DLGAP2: variants seen among roughly 807,000 people sequenced by gnomAD.
DLGAP2 encodes the protein DLG associated protein 2.
A neutral mutation model predicts 100.3 loss-of-function variants in DLGAP2; 26 were observed. The ratio of observed to expected loss-of-function variants is 0.26; its 90% CI spans 0.19 to 0.36. The LOEUF (loss-of-function observed/expected upper bound fraction) is 0.36. Among genes scored for constraint, DLGAP2 ranks in the 10% least tolerant of loss-of-function variants. The probability of loss-of-function intolerance (pLI) is 1.00; values close to 1 mark genes in which losing one functional copy is unlikely to be tolerated. For synonymous variants in DLGAP2, 886 were observed against 630.1 expected, an observed-to-expected ratio of 1.41 and a Z score of -6.08; for missense variants, 1,858 against 1,453.2, an observed-to-expected ratio of 1.28 and a Z score of -4.53.
At chr8:1,418,208 A>T (rs1417957827) in intron 3 of DLGAP2, among the ~76,000 whole-genome samples, 2 of 152,246 alleles carry the variant, frequency 1.3e-5, no homozygotes, top group African/African-American at 4.8e-5. Flanking sequence ...AAGAATGATG[A>T]TGTAACTGTC....
At chr8:1,284,872 A>G (rs1389614708) in intron 3 of DLGAP2, among the ~76,000 whole-genome samples, 1 of 152,200 alleles carries the variant, frequency 6.6e-6, no homozygotes, top group Non-Finnish European at 1.5e-5. Context: ...GATTACAGGC[A>G]TGAGCCAGAG....
intron 1 of DLGAP2, among the ~76,000 whole-genome samples, chr8:858,136 C>T (rs777985088): frequency 4.6e-5 from 7 of 152,200 alleles, no homozygotes; most frequent in South Asian, 2.1e-4. Flanking sequence ...GGATTACAGG[C>T]GTTAGCCACC....
intron 2 of DLGAP2, among the ~76,000 whole-genome samples, chr8:1,093,525 A>C: frequency 6.6e-6 from 1 of 152,042 alleles, no homozygotes; most frequent in Non-Finnish European, 1.5e-5. Flanking sequence ...AGCCAGACCG[A>C]AACACCTTCA....
rs1797249809 is a variant in DLGAP2 at position 1,176,167 on chromosome 8, A to AG, written c.74-82680dup. On this transcript the variant is annotated intron_variant, in intron 2 of 14. Coordinates refer to ENST00000637795, the MANE Select transcript of DLGAP2 (RefSeq NM_001346810.2). ...AACTTACAATTGTGGTGGAAGATGA[A>AG]GGGGAAGCAAGGCACGTGTTACATG... 5.3e-5 allele frequency among the ~76,000 whole-genome samples: 8 copies of AG among 152,144 alleles called. No individual in the cohort carries two copies. In the South Asian group the frequency reaches 1.7e-3, roughly 32 times the overall value.
chr8:859,115 T>C (rs1797340697), intron 1 of DLGAP2, among the ~76,000 whole-genome samples: 1 of 39,352 alleles, frequency 2.5e-5, no homozygotes, highest in African/African-American at 7.0e-5. Flanking sequence ...CTTAGTCTTC[T>C]TTTTTTTTTT....
At chr8:1,040,247 TCGGTTTC>T (rs1802294338) in intron 2 of DLGAP2, among the ~76,000 whole-genome samples, 1 of 139,278 alleles carries the variant, frequency 7.2e-6, no homozygotes, top group African/African-American at 2.5e-5. Flanking sequence ...TGTGGTCAGC[TCGGTTTC>T]CATGGTCAGC....
chr8:1,242,425 G>C (rs1798817006), intron 2 of DLGAP2, among the ~76,000 whole-genome samples: 1 of 152,234 alleles, frequency 6.6e-6, no homozygotes, highest in Non-Finnish European at 1.5e-5. Flanking sequence ...CGAAGGGCTT[G>C]GCCCGTCTGT....
At chr8:798,714 T>C (rs1796086918) in intron 1 of DLGAP2, among the ~76,000 whole-genome samples, 4 of 121,772 alleles carry the variant, frequency 3.3e-5, no homozygotes, top group African/African-American at 9.9e-5. Flanking sequence ...GCCCCGGCGC[T>C]GGCCAGGTGA....
intron 2 of DLGAP2, among the ~76,000 whole-genome samples, chr8:1,219,992 ATCT>A (rs1404124243): frequency 6.6e-6 from 1 of 150,476 alleles, no homozygotes; most frequent in Non-Finnish European, 1.5e-5. Context: ...GTTTATTTGG[ATCT>A]TCTCTCTGTT....
chr8:968,913 T>C (rs1553413), intron 2 of DLGAP2, among the ~76,000 whole-genome samples: 33,596 of 152,090 alleles, frequency 0.22, 4,597 homozygotes, highest in Non-Finnish European at 0.31. Flanking sequence ...AAAGACATTA[T>C]GGTGGGATTT....
At chr8:1,293,852 A>G (rs1800113234) in intron 3 of DLGAP2, among the ~76,000 whole-genome samples, 1 of 152,144 alleles carries the variant, frequency 6.6e-6, no homozygotes, top group Non-Finnish European at 1.5e-5. Flanking sequence ...ATTCTTATTG[A>G]GCAATATATT....
chr8:1,466,514 C>T (rs1798630835), intron 3 of DLGAP2, among the ~76,000 whole-genome samples: 1 of 110,164 alleles, frequency 9.1e-6, no homozygotes, highest in Non-Finnish European at 1.9e-5. Context: ...CTTTTCCAGA[C>T]ATCTCAATTT....
intron 2 of DLGAP2, among the ~76,000 whole-genome samples, chr8:1,125,745 G>C (rs566918109): frequency 2.4e-3 from 370 of 152,330 alleles, no homozygotes; most frequent in African/African-American, 8.5e-3. Context: ...TTGTGTATAA[G>C]TTACTGAAAC....
At position 1,702,863 on chromosome 8, in the gene DLGAP2, T is replaced by A. The variant is rs1462351369; in HGVS notation, c.*1457T>A. 1.3e-5 allele frequency: 2 copies of A among 152,664 alleles called. No individual in the cohort carries two copies. The highest frequency in any genetic ancestry group is 2.9e-5 in the Non-Finnish European group (2 of 68,040). 9.5% of individuals were successfully genotyped at this position (152,664 alleles called of 1,614,324 possible). A position where few individuals can be genotyped will look rare whatever the true frequency, so the allele number is the denominator to read the frequency against. On this transcript the variant is annotated 3_prime_UTR_variant, in exon 15 of 15. Coordinates refer to ENST00000637795, the MANE Select transcript of DLGAP2 (RefSeq NM_001346810.2). ...AAAGCGGACTGCGATTTAAGATGTT[T>A]CCACCCCAATACCTGGTCTTCCTTC...
intron 1 of DLGAP2, among the ~76,000 whole-genome samples, chr8:906,022 C>T (rs17667389): frequency 0.078 from 11,912 of 152,300 alleles, 592 homozygotes; most frequent in Admixed American, 0.14. Context: ...CCTGCACTTG[C>T]GTTAGTCTGG....
chr8:897,315 G>T (rs559503774), intron 1 of DLGAP2, among the ~76,000 whole-genome samples: 1 of 152,180 alleles, frequency 6.6e-6, no homozygotes, highest in Non-Finnish European at 1.5e-5. Flanking sequence ...TTTGCTGGAT[G>T]CATGTTTTAA....
chr8:1,326,576 G>C (rs1227143976), intron 3 of DLGAP2, among the ~76,000 whole-genome samples: 1 of 152,068 alleles, frequency 6.6e-6, no homozygotes, highest in Non-Finnish European at 1.5e-5. Context: ...CTCAGTCCGG[G>C]CTTGTCACTC....
At chr8:1,183,340 C>G (rs970315392) in intron 2 of DLGAP2, among the ~76,000 whole-genome samples, 12 of 152,184 alleles carry the variant, frequency 7.9e-5, no homozygotes, top group African/African-American at 2.7e-4. Context: ...TTGTAATTAG[C>G]CTAGCAATTA....
chr8:1,284,149 G>A (rs990233963), intron 3 of DLGAP2, among the ~76,000 whole-genome samples: 6 of 152,230 alleles, frequency 3.9e-5, no homozygotes, highest in African/African-American at 1.2e-4. Context: ...CTGCGCGGCT[G>A]TCTCCTGCAG....
Sources: gnomAD v4.1 joint callset for allele counts (sites outside exome capture counted in the v4.1 genomes callset) on GRCh38, gnomAD v4.1.1 for gene constraint, MANE v1.5 for transcripts, NCBI Gene and HGNC (gene_info 2026-07-23, HGNC 2026-07-21) for gene names.